ADK: variants seen among roughly 807,000 people sequenced by gnomAD.
ADK encodes the protein adenosine kinase.
ADK carries 24 observed loss-of-function variants against 44.7 expected under a neutral mutation model. That is an observed-to-expected ratio of 0.54 (90% confidence interval 0.39 to 0.76). The LOEUF is 0.76. Among genes scored for constraint, ADK ranks in the 30% least tolerant of loss-of-function variants. The probability of loss-of-function intolerance (pLI) is 0.00; values close to 1 mark genes in which losing one functional copy is unlikely to be tolerated. For missense variants in ADK, 321 were observed against 425.1 expected (o/e 0.76, Z 2.15); for synonymous variants, 128 against 142.6 (o/e 0.90, Z 0.73).
intron 2 of ADK, among the ~76,000 whole-genome samples, chr10:74,215,135 C>A (rs994432470): frequency 6.6e-6 from 1 of 151,842 alleles, no homozygotes; most frequent in African/African-American, 2.4e-5. Flanking sequence ...TAATTTAGGG[C>A]AGAAAAAAAT....
chr10:74,153,399 C>T (rs1467714674), intron 1 of ADK, among the ~76,000 whole-genome samples: 1 of 152,188 alleles, frequency 6.6e-6, no homozygotes, highest in African/African-American at 2.4e-5. Flanking sequence ...CCAAATACGT[C>T]AACGGTGTTG....
chr10:74,346,331 C>T (rs1294936418), intron 4 of ADK, among the ~76,000 whole-genome samples: 2 of 150,658 alleles, frequency 1.3e-5, no homozygotes, highest in Admixed American at 6.6e-5. Flanking sequence ...ATGGCTATAT[C>T]GATCAGGGTT....
At chr10:74,530,935 AG>A (rs1336488980) in intron 7 of ADK, among the ~76,000 whole-genome samples, 2 of 152,206 alleles carry the variant, frequency 1.3e-5, no homozygotes, top group African/African-American at 4.8e-5. Context: ...AGAAAAAAGA[AG>A]GGTATCTCAA....
intron 2 of ADK, among the ~76,000 whole-genome samples, chr10:74,203,679 C>T (rs775302226): frequency 5.3e-5 from 8 of 151,732 alleles, no homozygotes; most frequent in Non-Finnish European, 1.0e-4. Context: ...CTGGCCTGTA[C>T]GACACTGTTT....
chr10:74,589,249 A>G (rs748033757), intron 7 of ADK, 33 bp from the exon 8 acceptor site: 1 of 1,605,558 alleles, frequency 6.2e-7, no homozygotes, highest in South Asian at 1.1e-5. Context: ...CGAGCACTTT[A>G]TAATTAACTG....
At chr10:74,424,810 A>C (rs941622490) in intron 6 of ADK, among the ~76,000 whole-genome samples, 1 of 152,122 alleles carries the variant, frequency 6.6e-6, no homozygotes, top group Non-Finnish European at 1.5e-5. Context: ...GTTTTACCTG[A>C]CATTGAATTT....
At chr10:74,347,734 G>A (rs1841826636) in intron 4 of ADK, among the ~76,000 whole-genome samples, 1 of 152,156 alleles carries the variant, frequency 6.6e-6, no homozygotes, top group Admixed American at 6.5e-5. Flanking sequence ...TTGGTAGGGG[G>A]AGGGGCATCT....
At chr10:74,259,696 A>G (rs2132367932) in intron 3 of ADK, among the ~76,000 whole-genome samples, 1 of 151,954 alleles carries the variant, frequency 6.6e-6, no homozygotes, top group East Asian at 1.9e-4. Flanking sequence ...TGACCTCGTG[A>G]TCCGTCTGCC....
chr10:74,424,401 G>T (rs1416937324), intron 6 of ADK, among the ~76,000 whole-genome samples: 2 of 151,706 alleles, frequency 1.3e-5, no homozygotes, highest in Non-Finnish European at 1.5e-5. Flanking sequence ...GGGCATGGCA[G>T]CACATGCCTG....
chr10:74,400,350 A>C (rs186179247), intron 6 of ADK, among the ~76,000 whole-genome samples: 3 of 152,294 alleles, frequency 2.0e-5, no homozygotes, highest in African/African-American at 4.8e-5. Flanking sequence ...ATTCCAAAAT[A>C]GTTCTGAAAA....
chr10:74,481,218 C>T (rs574691176), intron 6 of ADK, among the ~76,000 whole-genome samples: 9 of 152,168 alleles, frequency 5.9e-5, no homozygotes, highest in East Asian at 1.9e-4. Flanking sequence ...TGAGAGAATA[C>T]GAAGATAAAT....
At chr10:74,613,002 C>T (rs1022260781) in intron 9 of ADK, among the ~76,000 whole-genome samples, 1 of 151,916 alleles carries the variant, frequency 6.6e-6, no homozygotes, top group Non-Finnish European at 1.5e-5. Flanking sequence ...ATTTTTGTGC[C>T]AATACCATTG....
chr10:74,325,253 A>C (rs2131832346), intron 4 of ADK, among the ~76,000 whole-genome samples: 1 of 152,218 alleles, frequency 6.6e-6, no homozygotes, highest in Admixed American at 6.5e-5. Flanking sequence ...TAGCTATTTT[A>C]AGAGGAATTG....
intron 4 of ADK, among the ~76,000 whole-genome samples, chr10:74,363,521 A>G (rs1315976425): frequency 6.6e-6 from 1 of 152,062 alleles, no homozygotes; most frequent in Non-Finnish European, 1.5e-5. Context: ...AGGGTTCCCT[A>G]ACAGCAGGAG....
chr10:74,627,209 C>T (rs995193381), intron 9 of ADK, among the ~76,000 whole-genome samples: 21 of 152,124 alleles, frequency 1.4e-4, no homozygotes, highest in Non-Finnish European at 2.4e-4. Flanking sequence ...GCTTTCTTGG[C>T]TCTTGCCTGT....
At chr10:74,360,721 A>C (rs1241952282) in intron 4 of ADK, among the ~76,000 whole-genome samples, 1 of 151,910 alleles carries the variant, frequency 6.6e-6, no homozygotes, top group Non-Finnish European at 1.5e-5. Context: ...ACAGTTTTTG[A>C]CTTAAAGTCT....
intron 1 of ADK, among the ~76,000 whole-genome samples, chr10:74,187,839 T>C (rs1485442401): frequency 1.3e-5 from 2 of 152,212 alleles, no homozygotes; most frequent in African/African-American, 4.8e-5. Flanking sequence ...ATTAGATAGC[T>C]GTGGGTCTTT....
intron 3 of ADK, among the ~76,000 whole-genome samples, chr10:74,284,039 A>G (rs1847056623): frequency 6.6e-6 from 1 of 151,208 alleles, no homozygotes; most frequent in Admixed American, 6.6e-5. Context: ...GCTCACTGCA[A>G]CCTCCGCCTC....
intron 2 of ADK, among the ~76,000 whole-genome samples, chr10:74,215,389 C>G (rs908467497): frequency 1.3e-5 from 2 of 152,178 alleles, no homozygotes. Flanking sequence ...GGCTCACTTA[C>G]AACCTCCATC....
Sources: allele counts gnomAD v4.1 joint callset (sites outside exome capture counted in the v4.1 genomes callset), GRCh38; gene constraint gnomAD v4.1.1; transcripts MANE v1.5; gene names NCBI Gene and HGNC (gene_info 2026-07-23, HGNC 2026-07-21).